FHIT: variants seen among roughly 807,000 people sequenced by gnomAD.
FHIT encodes the protein bis(5'-adenosyl)-triphosphatase.
In FHIT, 19 loss-of-function variants were observed where a neutral mutation model predicts 17.9. The ratio of observed to expected loss-of-function variants is 1.06; its 90% CI spans 0.74 to 1.56. The LOEUF (loss-of-function observed/expected upper bound fraction) is 1.56, where lower values mean the gene tolerates loss of function less well. Ranked by LOEUF, FHIT falls within the 40% of genes most tolerant of loss-of-function variation. The pLI is 0.00. For synonymous variants in FHIT, 81 were observed against 69.7 expected (o/e 1.16, Z -0.81); for missense variants, 248 against 189.2 (o/e 1.31, Z -1.82).
At chr3:60,291,997 T>G (rs1400674984) in intron 5 of FHIT, among the ~76,000 whole-genome samples, 1 of 152,110 alleles carries the variant, frequency 6.6e-6, no homozygotes. Flanking sequence ...TTCCGGTGAT[T>G]TTTAAGCCAC....
At chr3:60,312,229 G>T (rs1226225812) in intron 5 of FHIT, among the ~76,000 whole-genome samples, 1 of 152,002 alleles carries the variant, frequency 6.6e-6, no homozygotes, top group African/African-American at 2.4e-5. Flanking sequence ...TCAAACACCT[G>T]GGCTCAAGCA....
intron 7 of FHIT, among the ~76,000 whole-genome samples, chr3:59,977,445 T>C (rs1361304338): frequency 6.6e-6 from 1 of 152,158 alleles, no homozygotes; most frequent in Non-Finnish European, 1.5e-5. Context: ...CCAGCACTGA[T>C]GTACAACCCT....
At chr3:61,185,812 A>G (rs2038490925) in intron 2 of FHIT, among the ~76,000 whole-genome samples, 1 of 152,124 alleles carries the variant, frequency 6.6e-6, no homozygotes, top group Non-Finnish European at 1.5e-5. Flanking sequence ...CACAATTTCT[A>G]TTTTCTTCTC....
At chr3:60,223,583 C>T (rs1446758423) in intron 5 of FHIT, among the ~76,000 whole-genome samples, 2 of 152,262 alleles carry the variant, frequency 1.3e-5, no homozygotes, top group African/African-American at 4.8e-5. Flanking sequence ...CTACTGAAAA[C>T]AAGCTGAGCC....
chr3:60,734,095 T>G (rs553584835), intron 4 of FHIT, among the ~76,000 whole-genome samples: 27 of 152,330 alleles, frequency 1.8e-4, no homozygotes, highest in Middle Eastern at 3.4e-3. Flanking sequence ...TGGGACTTCC[T>G]TTCAAGATGT....
At chr3:60,101,622 A>G (rs1463764021) in intron 5 of FHIT, among the ~76,000 whole-genome samples, 1 of 152,074 alleles carries the variant, frequency 6.6e-6, no homozygotes, top group Non-Finnish European at 1.5e-5. Flanking sequence ...AATTTTCCCT[A>G]TTGGAATGTA....
rs541826191 is a variant in FHIT, at chr3:61,218,732, T to C, written c.-212-18067A>G. On this transcript the variant is annotated intron_variant, in intron 1 of 9. Transcript: ENST00000492590. ...GCCTCACCGTAATCATATAGTGTCT[T>C]ATGATAGGAACCCATGCTATTGTCT... Among the ~76,000 whole-genome samples the C allele has an allele frequency of 2.6e-5, 4 of 152,288 alleles. No homozygotes were observed. The East Asian group carries it at 7.7e-4, about 29-fold the overall frequency.
intron 7 of FHIT, among the ~76,000 whole-genome samples, chr3:59,933,875 G>T (rs1466156495): frequency 1.3e-5 from 2 of 152,164 alleles, no homozygotes; most frequent in East Asian, 3.8e-4. Context: ...AGGAAAGAAA[G>T]AAGGCTCTGT....
chr3:60,306,119 G>C (rs1021862080), intron 5 of FHIT, among the ~76,000 whole-genome samples: 1 of 152,080 alleles, frequency 6.6e-6, no homozygotes, highest in Non-Finnish European at 1.5e-5. Context: ...GTATTAAAGC[G>C]TAAAAGTCTA....
chr3:59,903,760 T>C (rs1575670267), intron 8 of FHIT, among the ~76,000 whole-genome samples: 1 of 152,118 alleles, frequency 6.6e-6, no homozygotes, highest in East Asian at 1.9e-4. Flanking sequence ...GGGAATAATT[T>C]GGTTCCCTGT....
At position 60,705,304 on chromosome 3, in the gene FHIT, A is replaced by G. The variant is rs148109996; in HGVS notation, c.-18+116615T>C. On this transcript the variant is annotated intron_variant, in intron 4 of 9. Coordinates refer to ENST00000492590, the MANE Select transcript of FHIT (RefSeq NM_002012.4). The stretch of plus-strand genomic sequence containing the variant: ...AGATGAAAGCAACATTAAAGGCATC[A>G]ATAACCTTCTTTACAGATAAGAAAA... Among the ~76,000 whole-genome samples, 11 of 152,318 alleles carry G rather than the reference A, an allele frequency of 7.2e-5. No individual in the cohort carries two copies. The East Asian group carries it at 2.1e-3, about 29-fold the overall frequency.
chr3:60,406,568 TG>T (rs562365403), intron 5 of FHIT, among the ~76,000 whole-genome samples: 73 of 152,252 alleles, frequency 4.8e-4, no homozygotes, highest in African/African-American at 1.7e-3. Context: ...CTGTATGTTT[TG>T]TGGATCAAGT....
chr3:59,931,214 C>G (rs1006488698), intron 7 of FHIT, among the ~76,000 whole-genome samples: 2 of 152,130 alleles, frequency 1.3e-5, no homozygotes, highest in African/African-American at 4.8e-5. Flanking sequence ...CTGTTCTAAA[C>G]CAGAAGGCTT....
At chr3:60,453,225 A>G (rs950564821) in intron 5 of FHIT, among the ~76,000 whole-genome samples, 6 of 151,488 alleles carry the variant, frequency 4.0e-5, no homozygotes, top group African/African-American at 1.5e-4. Flanking sequence ...CAAGTGCCCT[A>G]TACAACTTCC....
At chr3:59,972,888 T>C (rs1708250966) in intron 7 of FHIT, among the ~76,000 whole-genome samples, 1 of 152,112 alleles carries the variant, frequency 6.6e-6, no homozygotes, top group Non-Finnish European at 1.5e-5. Flanking sequence ...CAAATTGATC[T>C]ACATGTTGCT....
chr3:60,099,944 G>C (rs1423873402), intron 5 of FHIT, among the ~76,000 whole-genome samples: 5 of 152,166 alleles, frequency 3.3e-5, no homozygotes, highest in Non-Finnish European at 7.3e-5. Context: ...TCACACAGTA[G>C]AAGTGCTCCG....
intron 5 of FHIT, among the ~76,000 whole-genome samples, chr3:60,464,277 A>T (rs2032656966): frequency 6.6e-6 from 1 of 152,168 alleles, no homozygotes; most frequent in African/African-American, 2.4e-5. Flanking sequence ...GGTACAAGGG[A>T]TATTTTGATG....
chr3:60,454,798 A>G (rs902474787), intron 5 of FHIT, among the ~76,000 whole-genome samples: 17 of 152,158 alleles, frequency 1.1e-4, no homozygotes, highest in Non-Finnish European at 1.5e-5. Flanking sequence ...TGTTACACAC[A>G]TAACCTCATT....
intron 5 of FHIT, among the ~76,000 whole-genome samples, chr3:60,187,814 A>G (rs1293782380): frequency 6.6e-6 from 1 of 152,186 alleles, no homozygotes; most frequent in Non-Finnish European, 1.5e-5. Context: ...TCTCTCTTCT[A>G]AGTATGATAT....
Sources: gnomAD v4.1 joint callset for allele counts (sites outside exome capture counted in the v4.1 genomes callset) on GRCh38, gnomAD v4.1.1 for gene constraint, MANE v1.5 for transcripts, NCBI Gene and HGNC (gene_info 2026-07-23, HGNC 2026-07-21) for gene names.